Variants in ZW10 observed in about 807,000 individuals in gnomAD.
ZW10 encodes centromere/kinetochore protein zw10 homolog.
A neutral mutation model predicts 87.8 loss-of-function variants in ZW10; 53 were observed. The ratio of observed to expected loss-of-function variants is 0.60; its 90% CI spans 0.48 to 0.76. The LOEUF (loss-of-function observed/expected upper bound fraction) is 0.76. Among genes scored for constraint, ZW10 ranks in the 30% least tolerant of loss-of-function variants. ZW10 has a pLI of 0.00. For missense variants in ZW10, 837 were observed against 923.0 expected (o/e 0.91, Z 1.21); for synonymous variants, 312 against 329.2 (o/e 0.95, Z 0.57).
At chr11:113,749,672 G>A (rs886078757) in intron 7 of ZW10, among the ~76,000 whole-genome samples, 1 of 152,162 alleles carries the variant, frequency 6.6e-6, no homozygotes, top group African/African-American at 2.4e-5. Flanking sequence ...AAAATTCAGT[G>A]GAGGCACGAG....
chr11:113,745,537 G>A (rs1163482295), intron 9 of ZW10, among the ~76,000 whole-genome samples: 1 of 152,098 alleles, frequency 6.6e-6, no homozygotes, highest in African/African-American at 2.4e-5. Context: ...ATCAGGGACT[G>A]GGTAGTCAAA....
At chr11:113,769,039 CTTCCACAAGGCATT>C in intron 1 of ZW10, 72 bp from the exon 2 acceptor site, 1 of 1,498,618 alleles carries the variant, frequency 6.7e-7, no homozygotes, top group Non-Finnish European at 9.2e-7. Context: ...ATATATTCAT[CTTCCACAAGGCATT>C]TTCCATGTTA....
At chr11:113,758,875 A>C (rs1241409556) in intron 5 of ZW10, among the ~76,000 whole-genome samples, 169 bp from the exon 6 acceptor site, 1 of 152,210 alleles carries the variant, frequency 6.6e-6, no homozygotes, top group African/African-American at 2.4e-5. Context: ...ACTTTAAAAA[A>C]GGAAATGACT....
chr11:113,738,474 TAAACC>T, intron 12 of ZW10, 80 bp from the exon 13 acceptor site: 3 of 1,358,856 alleles, frequency 2.2e-6, no homozygotes, highest in Non-Finnish European at 3.0e-6. Flanking sequence ...AAGAGATGCA[TAAACC>T]ATGTATCTGT....
intron 9 of ZW10, among the ~76,000 whole-genome samples, chr11:113,744,273 G>A (rs996825396): frequency 1.6e-4 from 24 of 152,068 alleles, no homozygotes; most frequent in African/African-American, 5.8e-4. Context: ...TGTAGTCCCA[G>A]CTACTCGGGA....
At chr11:113,746,495 CAAAAAAAAA>C (rs566009326) in intron 9 of ZW10, among the ~76,000 whole-genome samples, 1 of 105,342 alleles carries the variant, frequency 9.5e-6, no homozygotes, top group African/African-American at 3.9e-5. Context: ...ACAAAACAGT[CAAAAAAAAA>C]AAAAAAAAAA....
chr11:113,743,969 C>G lies in ZW10; in HGVS notation c.1344G>C (p.Gln448His). Reference sequence around the variant, plus strand: ...CGTGGTACTGAGTATTGGATACTTTCTGTACTTCCAGTTTGTTATCCTCAT... The same window carrying G: ...CGTGGTACTGAGTATTGGATACTTTGTGTACTTCCAGTTTGTTATCCTCAT... ...TPDEDNKLEV[Q>H]KVSNTQYHEV... The change falls in exon 10 of 16, where the codon CAG (glutamine) becomes CAC (histidine). Residue 448 changes from glutamine to histidine, a missense_variant. Physicochemically the swap from Gln to His is conservative, Grantham distance 24. Transcript: ENST00000200135. 1 of 1,614,224 alleles carries G rather than the reference C, an allele frequency of 6.2e-7. No individual in the cohort carries two copies. The highest frequency in any genetic ancestry group is 1.7e-5 in the Admixed American group (1 of 60,028).
chr11:113,763,458 G>T (rs537148134), intron 2 of ZW10, among the ~76,000 whole-genome samples: 4 of 152,318 alleles, frequency 2.6e-5, no homozygotes, highest in East Asian at 3.9e-4. Flanking sequence ...TTCCACAACA[G>T]TTGAACTAAT....
intron 15 of ZW10, 65 bp from the exon 16 acceptor site, chr11:113,733,879 A>C: frequency 6.6e-7 from 1 of 1,508,398 alleles, no homozygotes; most frequent in Non-Finnish European, 8.9e-7. Flanking sequence ...AGACTTAAAA[A>C]TTGCCTGTTT....
chr11:113,743,627 C>T (rs955898179), intron 10 of ZW10, among the ~76,000 whole-genome samples, 175 bp downstream of exon 10: 1 of 152,212 alleles, frequency 6.6e-6, no homozygotes, highest in Admixed American at 6.5e-5. Flanking sequence ...CAGAGATAGA[C>T]ATAAATCTGT....
chr11:113,734,472 G>A (rs1421461409), intron 15 of ZW10, among the ~76,000 whole-genome samples: 1 of 152,150 alleles, frequency 6.6e-6, no homozygotes, highest in African/African-American at 2.4e-5. Flanking sequence ...ATGGAATGAT[G>A]CGATGGTGAA....
intron 15 of ZW10, among the ~76,000 whole-genome samples, chr11:113,734,935 T>C (rs1321091985): frequency 6.6e-6 from 1 of 152,132 alleles, no homozygotes; most frequent in Admixed American, 6.5e-5. Flanking sequence ...AGGATACATG[T>C]AAATGGGGTA....
intron 2 of ZW10, among the ~76,000 whole-genome samples, chr11:113,765,596 T>C (rs1953901020): frequency 6.6e-6 from 1 of 152,218 alleles, no homozygotes; most frequent in Non-Finnish European, 1.5e-5. Flanking sequence ...CTGTAATGCA[T>C]ATACATATCA....
At chr11:113,760,469 A>G (rs1224716301) in intron 4 of ZW10, 44 bp downstream of exon 4, 2 of 1,604,476 alleles carry the variant, frequency 1.2e-6, no homozygotes, top group Admixed American at 3.4e-5. Flanking sequence ...ACTGAAAACA[A>G]GAAGAGCACT....
At chr11:113,738,430 C>T in intron 12 of ZW10, 36 bp from the exon 13 acceptor site, 1 of 1,602,524 alleles carries the variant, frequency 6.2e-7, no homozygotes. Context: ...ATTTTAAAAG[C>T]TGCTCAATTA....
chr11:113,764,541 A>G (rs891989383), intron 2 of ZW10, among the ~76,000 whole-genome samples: 2 of 152,186 alleles, frequency 1.3e-5, no homozygotes, highest in African/African-American at 4.8e-5. Context: ...AGTGGTTTGT[A>G]GTAAAAATAT....
intron 2 of ZW10, among the ~76,000 whole-genome samples, chr11:113,763,901 T>C (rs1353986197): frequency 7.2e-5 from 11 of 152,338 alleles, no homozygotes; most frequent in Non-Finnish European, 1.6e-4. Flanking sequence ...TTATTGCAGT[T>C]GCTTTTGGCA....
rs72645449 is a variant in ZW10 at position 113,755,704 on chromosome 11, T to C, written c.925+1958A>G. On this transcript the variant is annotated intron_variant, in intron 7 of 15. Coordinates refer to ENST00000200135, the MANE Select transcript of ZW10 (RefSeq NM_004724.4). ...CTGCATGCTACTGAGAAATCTTTCA[T>C]GAAGGGAAGTCAATTGATGAGGCAA... 2.3e-3 allele frequency among the ~76,000 whole-genome samples: 350 copies of C among 152,298 alleles called. 15 individuals carry two copies. In the East Asian group the frequency reaches 0.059, roughly 26 times the overall value.
chr11:113,749,691 G>T (rs1324679364), intron 7 of ZW10, among the ~76,000 whole-genome samples: 1 of 152,156 alleles, frequency 6.6e-6, no homozygotes, highest in African/African-American at 2.4e-5. Context: ...AGACCTCTCT[G>T]TAATTTTTGA....
Sources: allele counts gnomAD v4.1 joint callset (sites outside exome capture counted in the v4.1 genomes callset), GRCh38; gene constraint gnomAD v4.1.1; transcripts MANE v1.5; gene names NCBI Gene and HGNC (gene_info 2026-07-23, HGNC 2026-07-21).